Variants in SRGAP1 observed in about 807,000 individuals in gnomAD.
The protein encoded by SRGAP1 is SLIT-ROBO Rho GTPase activating protein 1, also known as SLIT-ROBO Rho GTPase-activating protein 1.
Under a neutral mutation model 121.9 loss-of-function variants are expected in SRGAP1, and 43 were observed. That is an observed-to-expected ratio of 0.35 (90% CI 0.28 to 0.46). The LOEUF is 0.46. SRGAP1 is among the 20% of genes least tolerant of loss of function. The probability of loss-of-function intolerance (pLI) is 1.00; values close to 1 mark genes in which losing one functional copy is unlikely to be tolerated. For synonymous variants in SRGAP1, 447 were observed against 485.4 expected, an observed-to-expected ratio of 0.92 and a Z score of 1.04; for missense variants, 1,102 against 1,350.9, an observed-to-expected ratio of 0.82 and a Z score of 2.89.
At chr12:63,965,238 C>T (rs11175217) in intron 1 of SRGAP1, among the ~76,000 whole-genome samples, 61,201 of 151,848 alleles carry the variant, frequency 0.4, 12,613 homozygotes, top group South Asian at 0.52. Context: ...TTGTACCTTC[C>T]GCACCAAAGA....
Position 63,932,650 on chromosome 12 carries a change from A to G in SRGAP1, c.68-51297A>G, listed in dbSNP as rs559055374. ...TTGTGTTTCAAAGTCCTTGAAATAT[A>G]GGGACCTAACACACTGATAAATTTT... is the stretch of plus-strand genomic sequence containing the variant. On this transcript the variant is annotated intron_variant, in intron 1 of 21. Transcript: ENST00000355086. Among the ~76,000 whole-genome samples the G allele has an allele frequency of 1.5e-4, 23 of 152,344 alleles. No homozygotes were observed. The South Asian group carries it at 2.7e-3, about 18-fold the overall frequency.
intron 1 of SRGAP1, among the ~76,000 whole-genome samples, chr12:63,958,602 T>G (rs2136376188): frequency 6.6e-6 from 1 of 152,340 alleles, no homozygotes; most frequent in African/African-American, 2.4e-5. Flanking sequence ...CAGTGAAGAT[T>G]ATCATTTAAT....
At position 64,104,700 on chromosome 12, in the gene SRGAP1, G is replaced by A. The variant is rs142119032; in HGVS notation, c.1814-4232G>A. Among the ~76,000 whole-genome samples the A allele has an allele frequency of 2.7e-3, 412 of 152,254 alleles. 4 individuals carry two copies. The highest frequency in any genetic ancestry group is 9.4e-3 in the African/African-American group (390 of 41,532). ...CATCACGGTTAGAGGCCTTCGAGAC[G>A]AACAGATTTGCTACTACTTCAGGAA... On this transcript the variant is annotated intron_variant, in intron 15 of 21. Transcript: ENST00000355086.
At chr12:63,879,909 G>A (rs558916297) in intron 1 of SRGAP1, among the ~76,000 whole-genome samples, 238 of 152,258 alleles carry the variant, frequency 1.6e-3, no homozygotes, top group Middle Eastern at 3.4e-3. Flanking sequence ...CAAGATGGCC[G>A]TTGATTGGAG....
intron 4 of SRGAP1, among the ~76,000 whole-genome samples, chr12:64,031,509 TG>T (rs1427022368): frequency 2.0e-5 from 3 of 152,064 alleles, no homozygotes; most frequent in African/African-American, 7.2e-5. Flanking sequence ...CCACCTCCTT[TG>T]TAGGAGTTAC....
chr12:63,914,071 G>C (rs2136320009), intron 1 of SRGAP1, among the ~76,000 whole-genome samples: 1 of 152,200 alleles, frequency 6.6e-6, no homozygotes, highest in South Asian at 2.1e-4. Context: ...TAATGAATTT[G>C]TTGTTCAGAA....
chr12:64,135,799 TAGTC>T (rs1318330305), intron 21 of SRGAP1, among the ~76,000 whole-genome samples: 2 of 152,206 alleles, frequency 1.3e-5, no homozygotes, highest in African/African-American at 2.4e-5. Flanking sequence ...AAACCTGTAT[TAGTC>T]AGGGCTCTCT....
intron 1 of SRGAP1, among the ~76,000 whole-genome samples, chr12:63,971,137 G>A (rs2032936265): frequency 6.6e-6 from 1 of 152,106 alleles, no homozygotes; most frequent in Non-Finnish European, 1.5e-5. Flanking sequence ...TTTCTGCTTT[G>A]CTGATAGCTC....
intron 1 of SRGAP1, among the ~76,000 whole-genome samples, chr12:63,907,011 G>A (rs577921952): frequency 2.0e-5 from 3 of 152,056 alleles, no homozygotes; most frequent in Middle Eastern, 3.4e-3. Flanking sequence ...ATTGTGCCTC[G>A]TTTTGTGTTC....
At chr12:64,110,703 A>G (rs888532560) in intron 16 of SRGAP1, among the ~76,000 whole-genome samples, 2 of 152,198 alleles carry the variant, frequency 1.3e-5, no homozygotes, top group East Asian at 3.8e-4. Context: ...ATGATCTGTA[A>G]TATGATCATT....
At chr12:63,877,178 T>G (rs1370331915) in intron 1 of SRGAP1, among the ~76,000 whole-genome samples, 2 of 152,120 alleles carry the variant, frequency 1.3e-5, no homozygotes, top group East Asian at 3.9e-4. Flanking sequence ...GAGCCGAGAT[T>G]GCGCCATTAC....
chr12:64,082,955 G>C (rs1482691945), intron 10 of SRGAP1, among the ~76,000 whole-genome samples: 1 of 152,204 alleles, frequency 6.6e-6, no homozygotes, highest in Non-Finnish European at 1.5e-5. Flanking sequence ...TTGCAGGCTG[G>C]GTGGCACACC....
chr12:64,057,061 C>T (rs2035357452), intron 6 of SRGAP1, among the ~76,000 whole-genome samples: 1 of 152,158 alleles, frequency 6.6e-6, no homozygotes, highest in African/African-American at 2.4e-5. Context: ...TGAGTAGCAG[C>T]TCCTCTGAAG....
rs760386774 is a variant in SRGAP1, at chr12:64,023,046, C to A, written c.489+6034C>A. On this transcript the variant is annotated intron_variant, in intron 4 of 21. Transcript: ENST00000355086. ...TAGTAGTTAATGTTAGCCTCCTCAT[C>A]ATCATCGCCCTCTTTATCAGTGAAA... is the stretch of plus-strand genomic sequence containing the variant. Among the ~76,000 whole-genome samples, 9 of 152,202 alleles carry A rather than the reference C, an allele frequency of 5.9e-5. No homozygotes were observed. The East Asian group carries it at 1.7e-3, about 29-fold the overall frequency.
At chr12:64,040,208 A>G (rs2034986555) in intron 4 of SRGAP1, among the ~76,000 whole-genome samples, 1 of 152,242 alleles carries the variant, frequency 6.6e-6, no homozygotes, top group Non-Finnish European at 1.5e-5. Context: ...TCAATTTCAT[A>G]TGGATTAACC....
intron 17 of SRGAP1, among the ~76,000 whole-genome samples, chr12:64,114,331 CTTTTTTTTTTTT>C (rs957049187): frequency 1.1e-5 from 1 of 89,252 alleles, no homozygotes; most frequent in African/African-American, 4.8e-5. Flanking sequence ...ATATGGTTAG[CTTTTTTTTTTTT>C]TTTTTTTTTT....
At chr12:63,917,053 A>G (rs1236677361) in intron 1 of SRGAP1, among the ~76,000 whole-genome samples, 1 of 152,110 alleles carries the variant, frequency 6.6e-6, no homozygotes, top group Non-Finnish European at 1.5e-5. Flanking sequence ...TCATGTGTTC[A>G]CTTTAAGGAA....
At chr12:63,878,092 TAAC>T (rs1189778316) in intron 1 of SRGAP1, among the ~76,000 whole-genome samples, 1 of 152,226 alleles carries the variant, frequency 6.6e-6, no homozygotes, top group African/African-American at 2.4e-5. Flanking sequence ...CTTTATCTAA[TAAC>T]AACATTAGAG....
At chr12:63,938,347 C>G (rs2031740657) in intron 1 of SRGAP1, among the ~76,000 whole-genome samples, 1 of 152,164 alleles carries the variant, frequency 6.6e-6, no homozygotes, top group Admixed American at 6.5e-5. Flanking sequence ...AGAGCAGATG[C>G]CGCCCTGGTT....
Sources: gnomAD v4.1 joint callset for allele counts (sites outside exome capture counted in the v4.1 genomes callset) on GRCh38, gnomAD v4.1.1 for gene constraint, MANE v1.5 for transcripts, NCBI Gene and HGNC (gene_info 2026-07-23, HGNC 2026-07-21) for gene names.